Variants in TNIP1 observed in about 807,000 individuals in gnomAD.
TNIP1 encodes the protein TNFAIP3-interacting protein 1.
Under a neutral mutation model 86.6 loss-of-function variants are expected in TNIP1, and 22 were observed. That is an observed-to-expected ratio of 0.25 (90% CI 0.18 to 0.36). The LOEUF (loss-of-function observed/expected upper bound fraction) is 0.36, where lower values mean the gene tolerates loss of function less well. TNIP1 is among the 10% of genes least tolerant of loss of function. The pLI is 1.00. For synonymous variants in TNIP1, 294 were observed against 313.0 expected, an observed-to-expected ratio of 0.94 and a Z score of 0.64; for missense variants, 709 against 820.6, an observed-to-expected ratio of 0.86 and a Z score of 1.66.
intron 15 of TNIP1, 97 bp downstream of exon 15, chr5:151,034,905 G>T: frequency 7.3e-7 from 1 of 1,364,746 alleles, no homozygotes; most frequent in Non-Finnish European, 1.0e-6. Context: ...AGCAGAGGAT[G>T]TCCCCACGCC....
intron 1 of TNIP1, among the ~76,000 whole-genome samples, chr5:151,073,606 G>T (rs1403292482): frequency 6.6e-6 from 1 of 152,070 alleles, no homozygotes; most frequent in African/African-American, 2.4e-5. Context: ...GTATACATAC[G>T]GAATCTTAAA....
At chr5:151,066,767 A>C (rs1762288649) in intron 1 of TNIP1, among the ~76,000 whole-genome samples, 1 of 152,174 alleles carries the variant, frequency 6.6e-6, no homozygotes, top group Non-Finnish European at 1.5e-5. Context: ...CGGCCGCAAT[A>C]AGAGCCAAGA....
intron 1 of TNIP1, among the ~76,000 whole-genome samples, chr5:151,068,346 C>G (rs547173037): frequency 3.5e-4 from 53 of 152,282 alleles, no homozygotes; most frequent in African/African-American, 1.3e-3. Context: ...ATAACTTCTC[C>G]CAGAGAGAGG....
intron 12 of TNIP1, among the ~76,000 whole-genome samples, chr5:151,038,121 T>G (rs1194892782): frequency 6.6e-6 from 1 of 152,122 alleles, no homozygotes; most frequent in East Asian, 1.9e-4. Flanking sequence ...TCAGGACAGA[T>G]CGCGTTTCTT....
chr5:151,030,049 A>G lies in TNIP1; in HGVS notation c.*664T>C, dbSNP rs189584042. ...CTTCTGGCACCACAGGCCTCCAGCT[A>G]TGGGGTCCAGGGTCTGAACCTCAGG... On this transcript the variant is annotated 3_prime_UTR_variant, in exon 18 of 18. Transcript: ENST00000521591. 200 of 456,802 alleles carry G rather than the reference A, an allele frequency of 4.4e-4. 2 individuals carry two copies. In the East Asian group the frequency reaches 0.013, roughly 29 times the overall value. The allele number at this position is 456,802 out of a possible 1,614,324, so 28.3% of individuals were successfully genotyped here.
At chr5:151,059,854 TGTGTGTGTGTGTGC>T (rs1192210991) in intron 5 of TNIP1, among the ~76,000 whole-genome samples, 7 of 100,330 alleles carry the variant, frequency 7.0e-5, no homozygotes, top group Admixed American at 2.1e-4. Context: ...TGTGTGTGTG[TGTGTGTGTGTGTGC>T]GCGCGCGCGC....
intron 6 of TNIP1, among the ~76,000 whole-genome samples, chr5:151,056,512 G>A (rs60454275): frequency 0.044 from 6,756 of 152,206 alleles, 225 homozygotes; most frequent in African/African-American, 0.094. Flanking sequence ...ATAAAGGCAG[G>A]GCTGCTGGGG....
chr5:151,054,213 A>G (rs1055841886), intron 6 of TNIP1, among the ~76,000 whole-genome samples: 13 of 152,204 alleles, frequency 8.5e-5, no homozygotes, highest in Non-Finnish European at 1.9e-4. Context: ...AACTGTGTAG[A>G]GCAGAAACAA....
chr5:151,039,068 A>G, intron 12 of TNIP1, 29 bp downstream of exon 12: 1 of 1,603,858 alleles, frequency 6.2e-7, no homozygotes, highest in Non-Finnish European at 8.5e-7. Context: ...AAGGGAGCCC[A>G]GCCAAGGGAC....
At chr5:151,086,899 G>A (rs1041649413) in intron 1 of TNIP1, among the ~76,000 whole-genome samples, 26 of 152,372 alleles carry the variant, frequency 1.7e-4, no homozygotes, top group African/African-American at 5.0e-4. Context: ...TGAGGAGCAG[G>A]GGCTGGGAGC....
Position 151,072,284 on chromosome 5 carries a change from C to T in TNIP1, c.-36-7153G>A, listed in dbSNP as rs537361938. Among the ~76,000 whole-genome samples the T allele has an allele frequency of 3.6e-4, 55 of 152,314 alleles. No homozygotes were observed. The East Asian group carries it at 9.7e-3, about 27-fold the overall frequency. On this transcript the variant is annotated intron_variant, in intron 1 of 17. Transcript: ENST00000521591. ...CGTGCCCCAAGTTCCTAGCCCCTGC[C>T]TTTATATGTCTCTAGCTTTATATGC...
At chr5:151,060,689 C>T (rs911798532) in intron 4 of TNIP1, among the ~76,000 whole-genome samples, 3 of 152,204 alleles carry the variant, frequency 2.0e-5, no homozygotes, top group African/African-American at 7.2e-5. Context: ...TTTTTTAAGG[C>T]CGTGTACTTT....
rs911513340 is a variant in TNIP1 at position 151,064,907 on chromosome 5, A to G, written c.136+53T>C. 7 of 1,611,012 alleles carry G rather than the reference A, an allele frequency of 4.3e-6. No homozygotes were observed. The African/African-American group carries it at 8.0e-5, about 18-fold the overall frequency. On this transcript the variant is annotated intron_variant, in intron 2 of 17. Coordinates refer to ENST00000521591, the MANE Select transcript of TNIP1 (RefSeq NM_006058.5). ...CTCCACTGCTAGTAGAGGGACTGGC[A>G]TCACAGTCTGCAGGGAGGGGCGCTC...
chr5:151,069,201 G>T (rs771877380), intron 1 of TNIP1, among the ~76,000 whole-genome samples: 9 of 152,244 alleles, frequency 5.9e-5, no homozygotes, highest in Non-Finnish European at 7.3e-5. Context: ...CCTTACCCCA[G>T]AAAGAGAGGG....
intron 17 of TNIP1, among the ~76,000 whole-genome samples, chr5:151,030,997 A>G (rs1756813256): frequency 1.3e-5 from 2 of 152,194 alleles, no homozygotes; most frequent in African/African-American, 4.8e-5. Context: ...ACTTGCTCAT[A>G]GTTCCAGGTC....
rs143795365 is a variant in TNIP1, at chr5:151,032,641, C to T, written c.1780-258G>A. 157 of 509,604 alleles carry T rather than the reference C, an allele frequency of 3.1e-4. 2 individuals are homozygous for T. Among genetic ancestry groups the T allele is most frequent in the African/African-American group, 2.8e-3 (143 of 51,716 alleles). The allele number at this position is 509,604 out of a possible 1,614,324, so 31.6% of individuals were successfully genotyped here. A position where few individuals can be genotyped will look rare whatever the true frequency, so the allele number is the denominator to read the frequency against. On this transcript the variant is annotated intron_variant, in intron 16 of 17. Transcript: ENST00000521591. Reference sequence around the variant, plus strand: ...GTAAATCCAGAGCCAATCTCTTAAGCGCCATACTATATACTCTGGTGTTTA... The same window carrying T: ...GTAAATCCAGAGCCAATCTCTTAAGTGCCATACTATATACTCTGGTGTTTA...
At chr5:151,081,488 A>G (rs960709), upstream of TNIP1, among the ~76,000 whole-genome samples, 66,370 of 151,988 alleles carry the variant, frequency 0.44, 18,285 homozygotes, top group African/African-American at 0.76. Flanking sequence ...CGTCCAGGGC[A>G]CTCCAGGACT....
rs766328596 is a variant in TNIP1 at position 151,052,267 on chromosome 5, G to A, written c.628-8C>T. 2 of 1,611,848 alleles carry A rather than the reference G, an allele frequency of 1.2e-6. No individual in the cohort carries two copies. Among genetic ancestry groups the A allele is most frequent in the South Asian group, 1.1e-5 (1 of 90,738 alleles). On this transcript the variant is annotated splice_polypyrimidine_tract_variant and splice_region_variant and intron_variant, in intron 6 of 17. Transcript: ENST00000521591. ...AAGCTGCTCACACAGGGTCTGTGGG[G>A]CAGGGGAACAGACAGGGTGAGGGAA...
At chr5:151,059,293 C>T (rs1391279205) in intron 5 of TNIP1, among the ~76,000 whole-genome samples, 1 of 152,222 alleles carries the variant, frequency 6.6e-6, no homozygotes, top group Non-Finnish European at 1.5e-5. Context: ...AGGGACAGAA[C>T]AGGACAAGGG....
Sources: gnomAD v4.1 joint callset for allele counts (sites outside exome capture counted in the v4.1 genomes callset) on GRCh38, gnomAD v4.1.1 for gene constraint, MANE v1.5 for transcripts, NCBI Gene and HGNC (gene_info 2026-07-23, HGNC 2026-07-21) for gene names.